Variants in NF1 observed in about 807,000 individuals in gnomAD.
The protein encoded by NF1 is neurofibromin 1.
NF1 carries 122 observed loss-of-function variants against 325.7 expected under a neutral mutation model. The ratio of observed to expected loss-of-function variants is 0.37; its 90% CI spans 0.32 to 0.44. NF1 has a LOEUF of 0.44. Among genes scored for constraint, NF1 ranks in the 20% least tolerant of loss-of-function variants. NF1 has a pLI of 1.00. For synonymous variants in NF1, 1,091 were observed against 1,186.0 expected (o/e 0.92, Z 1.65); for missense variants, 2,140 against 3,415.4 (o/e 0.63, Z 9.31).
chr17:31,161,278 A>G (rs138611624), intron 3 of NF1, among the ~76,000 whole-genome samples: 39 of 152,326 alleles, frequency 2.6e-4, no homozygotes, highest in African/African-American at 8.7e-4. Flanking sequence ...TTGTTTGGTT[A>G]GCCTATAAAC....
At chr17:31,303,543 C>CT (rs937817448) in intron 36 of NF1, among the ~76,000 whole-genome samples, 46 of 151,556 alleles carry the variant, frequency 3.0e-4, no homozygotes, top group Non-Finnish European at 4.9e-4. Context: ...TCTTCTTTTC[C>CT]TTTTTTTTGC....
At chr17:31,258,200 G>T in intron 31 of NF1, 144 bp from the exon 32 acceptor site, 1 of 812,854 alleles carries the variant, frequency 1.2e-6, no homozygotes, top group Non-Finnish European at 2.0e-6. Flanking sequence ...TCATGTTTTG[G>T]GAGAAGAAAA....
chr17:31,306,978 C>T lies in NF1; in HGVS notation c.4836-18842C>T, dbSNP rs1278180593. ...CAGCATGGACCACATAGTAAGATCC[C>T]ATCTCTAAATAAAAAGAAGAAAGAA... On this transcript the variant is annotated intron_variant, in intron 36 of 57. Transcript: ENST00000358273. Among the ~76,000 whole-genome samples the T allele has an allele frequency of 4.0e-5, 6 of 150,780 alleles. No homozygotes were observed. In the East Asian group the frequency reaches 1.2e-3, roughly 29 times the overall value.
chr17:31,270,518 GAGGA>G (rs2067873172), intron 36 of NF1, among the ~76,000 whole-genome samples: 2 of 152,144 alleles, frequency 1.3e-5, no homozygotes. Context: ...GCTGAGGTGG[GAGGA>G]TCACTTGATC....
chr17:31,370,003 T>C (rs2070602642), intron 57 of NF1, among the ~76,000 whole-genome samples: 1 of 152,170 alleles, frequency 6.6e-6, no homozygotes, highest in Non-Finnish European at 1.5e-5. Context: ...TGCATTTTAA[T>C]TGTTTTTTTT....
intron 8 of NF1, among the ~76,000 whole-genome samples, chr17:31,186,484 G>A (rs1053321799): frequency 6.6e-6 from 1 of 152,224 alleles, no homozygotes; most frequent in African/African-American, 2.4e-5. Context: ...ATGGCCAGAT[G>A]TGCGATTATA....
intron 1 of NF1, among the ~76,000 whole-genome samples, chr17:31,150,492 T>G (rs1834288907): frequency 6.6e-6 from 1 of 152,128 alleles, no homozygotes; most frequent in Admixed American, 6.5e-5. Context: ...TATGTGTTGG[T>G]TTTTTACTCT....
chr17:31,172,197 C>T (rs567127535), intron 5 of NF1, among the ~76,000 whole-genome samples: 59 of 152,156 alleles, frequency 3.9e-4, no homozygotes, highest in African/African-American at 5.5e-4. Flanking sequence ...TGTGCTGACA[C>T]GCACCTGTAG....
chr17:31,321,300 C>T (rs960486857), intron 36 of NF1, among the ~76,000 whole-genome samples: 4 of 152,076 alleles, frequency 2.6e-5, no homozygotes, highest in Non-Finnish European at 5.9e-5. Context: ...TTTAAAACTC[C>T]ATGGCGATGG....
chr17:31,302,716 A>C (rs1288071828), intron 36 of NF1, among the ~76,000 whole-genome samples: 1 of 151,810 alleles, frequency 6.6e-6, no homozygotes, highest in African/African-American at 2.4e-5. Context: ...GTGGTGGTGC[A>C]CGCCTGTAGT....
chr17:31,154,245 C>G (rs1917159249), intron 1 of NF1, among the ~76,000 whole-genome samples: 1 of 151,094 alleles, frequency 6.6e-6, no homozygotes, highest in African/African-American at 2.4e-5. Context: ...TTAGTAGAGA[C>G]AGGGTTTCAC....
intron 40 of NF1, among the ~76,000 whole-genome samples, chr17:31,335,680 A>G (rs1340201755): frequency 6.6e-6 from 1 of 150,702 alleles, no homozygotes; most frequent in Non-Finnish European, 1.5e-5. Flanking sequence ...GTCATTTCCT[A>G]TATTTTATTT....
In NF1 at chr17:31,159,883, A is replaced by G. The variant is rs186656241; in HGVS notation, c.288+790A>G. On this transcript the variant is annotated intron_variant, in intron 3 of 57. Coordinates refer to ENST00000358273, the MANE Select transcript of NF1 (RefSeq NM_001042492.3). Reference sequence around the variant, plus strand: ...GCTCAGAATTCAGAATTTTGTTTTGATTCAGAATTGCTTCCCTCTTCACAT... The same window carrying G: ...GCTCAGAATTCAGAATTTTGTTTTGGTTCAGAATTGCTTCCCTCTTCACAT... 4.3e-4 allele frequency among the ~76,000 whole-genome samples: 65 copies of G among 152,122 alleles called. 1 individual carries two copies. The East Asian group carries it at 9.8e-3, about 23-fold the overall frequency.
chr17:31,156,255 A>G (rs1330460982), intron 2 of NF1, 129 bp downstream of exon 2: 6 of 1,139,176 alleles, frequency 5.3e-6, no homozygotes, highest in Non-Finnish European at 7.7e-6. Context: ...CATTAATCTT[A>G]TTTTGTTTAC....
At chr17:31,212,077 G>T (rs2066737853) in intron 12 of NF1, among the ~76,000 whole-genome samples, 2 of 151,808 alleles carry the variant, frequency 1.3e-5, no homozygotes, top group African/African-American at 4.8e-5. Context: ...AAAACACTTT[G>T]TATAGCTAGC....
chr17:31,213,559 GAC>G, intron 12 of NF1, among the ~76,000 whole-genome samples: 1 of 152,200 alleles, frequency 6.6e-6, no homozygotes, highest in South Asian at 2.1e-4. Context: ...TTTACATAAA[GAC>G]ATTCATTCAG....
At chr17:31,167,354 A>G (rs1001230476) in intron 4 of NF1, among the ~76,000 whole-genome samples, 1 of 152,212 alleles carries the variant, frequency 6.6e-6, no homozygotes, top group Non-Finnish European at 1.5e-5. Flanking sequence ...GAATAGTTGT[A>G]CTGTTAGCTG....
intron 35 of NF1, among the ~76,000 whole-genome samples, chr17:31,263,120 T>TAGATAGATAGATAAGATA (rs149743607): frequency 6.5e-4 from 62 of 95,766 alleles, no homozygotes; most frequent in African/African-American, 1.6e-3. Flanking sequence ...GATAGATAGA[T>TAGATAGATAGATAAGATA]AGATAAGATA....
Position 31,360,683 on chromosome 17 carries a change from C to T in NF1, c.8357C>T (p.Ala2786Val), listed in dbSNP as rs2070377037. The T allele has an allele frequency of 6.2e-7, 1 of 1,613,776 alleles. No individual in the cohort carries two copies. Residue 2786 changes from alanine to valine, a missense_variant, in exon 57 of 58, where the codon GCA (alanine) becomes GTA (valine). This residue lies in a region of NF1 where 522 missense variants were observed against 749.0 expected (regional missense o/e 0.70). Coordinates refer to ENST00000358273, the MANE Select transcript of NF1 (RefSeq NM_001042492.3). ...LNLSNSMTSL[A>V]TSQHSPGIDK... is the part of the protein sequence containing the mutation. ...CTTTCTAATTCCATGACCTCACTTG[C>T]AACTTCCCAGCATTCCCCAGGTCAG...
Sources: allele counts gnomAD v4.1 joint callset (sites outside exome capture counted in the v4.1 genomes callset), GRCh38; gene constraint gnomAD v4.1.1; regional missense constraint gnomAD v4.1.1; transcripts MANE v1.5; gene names NCBI Gene and HGNC (gene_info 2026-07-23, HGNC 2026-07-21).